ERICH1: variants seen among roughly 807,000 people sequenced by gnomAD.
ERICH1 encodes glutamate-rich protein 1.
In ERICH1, 56 loss-of-function variants were observed where a neutral mutation model predicts 39.6. That is an observed-to-expected ratio of 1.41 (90% confidence interval 1.14 to 1.77). The LOEUF is 1.77. ERICH1 is among the 40% of genes most tolerant of loss of function. The pLI is 0.00. For missense variants in ERICH1, 826 were observed against 575.4 expected, an observed-to-expected ratio of 1.44 and a Z score of -4.45; for synonymous variants, 313 against 223.6, an observed-to-expected ratio of 1.40 and a Z score of -3.57.
At chr8:661,212 G>C (rs1435862012), downstream of ERICH1, among the ~76,000 whole-genome samples, 1 of 152,150 alleles carries the variant, frequency 6.6e-6, no homozygotes, top group Non-Finnish European at 1.5e-5. Context: ...CCCGGGATGA[G>C]AGGACATGTC....
intron 3 of ERICH1, among the ~76,000 whole-genome samples, chr8:617,083 C>T (rs561163346): frequency 1.3e-5 from 2 of 152,278 alleles, no homozygotes; most frequent in Non-Finnish European, 2.9e-5. Flanking sequence ...TCCCAGCCCA[C>T]CCATGACTGT....
At position 708,702 on chromosome 8, in the gene ERICH1, T is replaced by TTG. The variant is rs1554526317; in HGVS notation, c.169+7158_169+7159insCA. Among the ~76,000 whole-genome samples the TTG allele has an allele frequency of 8.2e-4, 93 of 114,016 alleles. 1 individual carries two copies. Among genetic ancestry groups the TTG allele is most frequent in the Admixed American group, 1.9e-3 (20 of 10,642 alleles). The allele number at this position is 114,016 out of a possible 152,430, so 74.8% of individuals were successfully genotyped here. On this transcript the variant is annotated intron_variant, in intron 2 of 5. Transcript: ENST00000262109. ...ATGAGTTTTTTTTTTTTTTTTTTTTTTTTTTTTTTGAGACAGGGTCTCACT... is the reference window on the plus strand; with the variant it reads ...ATGAGTTTTTTTTTTTTTTTTTTTTTTGTTTTTTTTTGAGACAGGGTCTCACT...
chr8:639,892 C>T (rs17739274), intron 3 of ERICH1, among the ~76,000 whole-genome samples: 58,537 of 132,070 alleles, frequency 0.44, 12,971 homozygotes, highest in African/African-American at 0.52. Context: ...CTCTGTTGTT[C>T]ACTAGCCTCC....
At position 673,314 on chromosome 8, in the gene ERICH1, T is replaced by C; in HGVS notation, c.1038A>G (p.Ser346=). The C allele has an allele frequency of 1.2e-6, 2 of 1,608,664 alleles. No homozygotes were observed. The highest frequency in any genetic ancestry group is 1.7e-6 in the Non-Finnish European group (2 of 1,175,300). The part of the protein sequence containing the change: ...KAHSILNFLK[S]TQEMYFYDGV... ...CGTCATAAAAATACATTTCCTGTGT[T>C]GACTTCAAAAAATTTAGAATACTGT... Residue 346 remains serine (S), a synonymous_variant, in exon 4 of 6, where the codon TCA becomes TCG. Transcript: ENST00000262109.
intron 3 of ERICH1, among the ~76,000 whole-genome samples, chr8:654,418 C>T (rs573882098): frequency 7.2e-5 from 11 of 152,070 alleles, no homozygotes; most frequent in African/African-American, 1.2e-4. Flanking sequence ...GGGGCCTCCT[C>T]GAGGGGCTAC....
chr8:705,804 GCA>G (rs1336869848), intron 2 of ERICH1, among the ~76,000 whole-genome samples: 9 of 152,222 alleles, frequency 5.9e-5, no homozygotes, highest in Admixed American at 5.9e-4. Flanking sequence ...ACAGCATCTT[GCA>G]CAGTGATGTA....
intron 2 of ERICH1, among the ~76,000 whole-genome samples, chr8:697,150 T>A (rs1328835681): frequency 1.3e-5 from 2 of 152,188 alleles, no homozygotes; most frequent in Non-Finnish European, 2.9e-5. Context: ...CCTCTGTCTT[T>A]GAAATGAATC....
intron 1 of ERICH1, among the ~76,000 whole-genome samples, chr8:728,803 G>T (rs1245700937): frequency 1.3e-5 from 2 of 152,166 alleles, no homozygotes; most frequent in Non-Finnish European, 2.9e-5. Flanking sequence ...TTACTCAAGT[G>T]GTGCTGCTTC....
intron 2 of ERICH1, among the ~76,000 whole-genome samples, chr8:713,255 G>A (rs1266872983): frequency 2.0e-5 from 3 of 152,240 alleles, no homozygotes; most frequent in Admixed American, 2.0e-4. Flanking sequence ...GGGGGTTAGG[G>A]CTTCAACATA....
Position 668,690 on chromosome 8 carries a change from A to T in ERICH1, c.1166T>A (p.Leu389Gln), listed in dbSNP as rs751053946. 2.5e-6 allele frequency: 4 copies of T among 1,614,184 alleles called. No individual in the cohort carries two copies. Among genetic ancestry groups the T allele is most frequent in the Non-Finnish European group, 2.5e-6 (3 of 1,180,058 alleles). The change falls in exon 5 of 6, where the codon CTG becomes CAG. Residue 389 changes from leucine to glutamine, a missense_variant. Coordinates refer to ENST00000262109, the MANE Select transcript of ERICH1 (RefSeq NM_207332.3). The part of the protein sequence containing the change: ...HSMLPSDVSI[L>Q]YHMKTLLLLQ... The stretch of plus-strand genomic sequence containing the variant: ...GAGCAGCAGCGTTTTCATGTGGTAC[A>T]GGATGGACACGTCTGAGGGCAGCAT...
At chr8:615,336 G>A (rs1475422983) in intron 3 of ERICH1, 2 of 629,632 alleles carry the variant, frequency 3.2e-6, no homozygotes, top group African/African-American at 3.7e-5. Context: ...TTAATACAAT[G>A]TTTATTGATC....
At chr8:708,259 C>A (rs1246960195) in intron 2 of ERICH1, among the ~76,000 whole-genome samples, 3 of 152,154 alleles carry the variant, frequency 2.0e-5, no homozygotes, top group Non-Finnish European at 2.9e-5. Context: ...ATGGAGTTAC[C>A]ATTTGACCCT....
intron 1 of ERICH1, among the ~76,000 whole-genome samples, chr8:720,440 T>G (rs1439440498): frequency 6.6e-6 from 1 of 152,216 alleles, no homozygotes; most frequent in African/African-American, 2.4e-5. Context: ...AGGAAGAGCA[T>G]GCAACTACTT....
At chr8:713,072 C>A (rs1036723429) in intron 2 of ERICH1, among the ~76,000 whole-genome samples, 1 of 152,228 alleles carries the variant, frequency 6.6e-6, no homozygotes, top group South Asian at 2.1e-4. Flanking sequence ...GGCTTGCAGA[C>A]GCCGTTCTCT....
intron 2 of ERICH1, among the ~76,000 whole-genome samples, chr8:706,757 T>TG (rs1813376055): frequency 6.6e-6 from 1 of 151,762 alleles, no homozygotes; most frequent in African/African-American, 2.4e-5. Context: ...GCAACAAGAG[T>TG]GAAACTCCAT....
At chr8:649,249 G>C (rs1799635741) in intron 3 of ERICH1, among the ~76,000 whole-genome samples, 1 of 69,038 alleles carries the variant, frequency 1.4e-5, no homozygotes, top group African/African-American at 3.7e-5. Context: ...AGCATCCAGG[G>C]AGAGTAAGAG....
chr8:705,072 T>A (rs1277575460), intron 2 of ERICH1, among the ~76,000 whole-genome samples: 1 of 152,278 alleles, frequency 6.6e-6, no homozygotes, highest in East Asian at 1.9e-4. Context: ...AATGGAATTA[T>A]CAACACTCTT....
intron 1 of ERICH1, among the ~76,000 whole-genome samples, chr8:716,627 G>A (rs1218722209): frequency 6.6e-6 from 1 of 152,260 alleles, no homozygotes; most frequent in Non-Finnish European, 1.5e-5. Context: ...TGTTTAAACT[G>A]TGGGACAAAC....
In ERICH1 at chr8:645,216, G is replaced by A. The variant is rs1359821825; in HGVS notation, c.976+23382C>T. Among the ~76,000 whole-genome samples the A allele has an allele frequency of 3.0e-5, 2 of 67,630 alleles. 1 individual carries two copies. The highest frequency in any genetic ancestry group is 7.5e-5 in the African/African-American group (2 of 26,800). The allele number at this position is 67,630 out of a possible 152,430, so 44.4% of individuals were successfully genotyped here. On this transcript the variant is annotated intron_variant, in intron 3 of 3. Transcript: ENST00000522706. The stretch of plus-strand genomic sequence containing the variant: ...CTGGAGTCCGCGTTGAGCTGTGACC[G>A]CAGACGCGCTTTCCTTGCTTTGGGA...
Sources: gnomAD v4.1 joint callset for allele counts (sites outside exome capture counted in the v4.1 genomes callset) on GRCh38, gnomAD v4.1.1 for gene constraint, MANE v1.5 for transcripts, NCBI Gene and HGNC (gene_info 2026-07-23, HGNC 2026-07-21) for gene names.